ALDH16A1: variants seen among roughly 807,000 people sequenced by gnomAD.
ALDH16A1 encodes the protein aldehyde dehydrogenase family 16 member A1.
A neutral mutation model predicts 96.1 loss-of-function variants in ALDH16A1; 88 were observed. The observed-to-expected ratio is 0.92, with a 90% CI of 0.77 to 1.09. The LOEUF is 1.09. Ranked by LOEUF, ALDH16A1 falls within the 50% of genes least tolerant of loss-of-function variation. ALDH16A1 has a pLI of 0.00. For synonymous variants in ALDH16A1, 522 were observed against 496.4 expected (o/e 1.05, Z -0.69); for missense variants, 1,250 against 1,112.6 (o/e 1.12, Z -1.76).
chr19:49,461,899 C>T lies in ALDH16A1; in HGVS notation c.775C>T (p.Arg259Ter), dbSNP rs758312798. Residue 259 changes from arginine to a stop codon, truncating the protein, a stop_gained, in exon 7 of 17, where the codon CGA (arginine) becomes TGA (stop). Coordinates refer to ENST00000293350, the MANE Select transcript of ALDH16A1 (RefSeq NM_153329.4). LOFTEE classifies it high-confidence loss of function. ...GGGTCCCTAGGAAGGGCGTGCCCTT[C>T]GACGGAGCCTGGCGGGAGAGTGTGC... ...CGAPEEGRAL[R>*]RSLAGECAEL... 2.0e-5 allele frequency: 32 copies of T among 1,584,152 alleles called. No homozygotes were observed. Among genetic ancestry groups the T allele is most frequent in the Non-Finnish European group, 2.5e-5 (29 of 1,165,606 alleles).
In ALDH16A1 at chr19:49,468,624, G is replaced by A. The variant is rs2079219794; in HGVS notation, c.2124+58G>A. The A allele has an allele frequency of 6.4e-7, 1 of 1,572,196 alleles. No homozygotes were observed. ...CGTAGCCTCAGGGCAGCAGAAAAAG[G>A]CGCCCCAAAGTCGGCAGGAGCTTGT... On this transcript the variant is annotated intron_variant, in intron 15 of 16. Coordinates refer to ENST00000293350, the MANE Select transcript of ALDH16A1 (RefSeq NM_153329.4). This position sits in a 1 kb window ranked among gnomAD's most constrained non-coding sequence, Gnocchi z 4.4.
At chr19:49,457,771 G>A (rs1568647969) in intron 1 of ALDH16A1, among the ~76,000 whole-genome samples, 1 of 150,200 alleles carries the variant, frequency 6.7e-6, no homozygotes, top group Non-Finnish European at 1.5e-5. Context: ...CACCACACCC[G>A]GCTAACTTTT....
chr19:49,460,478 G>C (rs1222627340), intron 4 of ALDH16A1, among the ~76,000 whole-genome samples: 4 of 148,066 alleles, frequency 2.7e-5, no homozygotes, highest in Non-Finnish European at 6.0e-5. Context: ...GCAGTGGTGC[G>C]ATCTCGGCTC....
chr19:49,464,471 G>T lies in ALDH16A1; in HGVS notation c.1386G>T (p.Val462=), dbSNP rs1221793817. The T allele has an allele frequency of 5.6e-6, 9 of 1,612,754 alleles. No homozygotes were observed. The highest frequency in any genetic ancestry group is 7.6e-6 in the Non-Finnish European group (9 of 1,179,580). ...INAHGLRDPS[V]PTGGCKESGC... ...CCCACGGCCTCAGAGACCCTTCGGT[G>T]CCCACAGGCGGCTGCAAGGAGAGTG... The change falls in exon 11 of 17, where the codon GTG becomes GTT. Residue 462 remains valine (V), a synonymous_variant. Transcript: ENST00000293350.
At chr19:49,464,556 C>T (rs766049631) in intron 11 of ALDH16A1, 34 bp downstream of exon 11, 14 of 1,613,034 alleles carry the variant, frequency 8.7e-6, no homozygotes, top group African/African-American at 2.7e-5. Flanking sequence ...CCAGCCCCCC[C>T]GCCGCCCCAT....
Position 49,460,722 on chromosome 19 carries a change from T to TG in ALDH16A1, c.500-100_500-99insG. ...AGCCACCACACCCGGCCATTTTTTT[T>TG]TTTTTTTCCTAATGTAGCCATGGGG... On this transcript the variant is annotated intron_variant, in intron 4 of 16. Transcript: ENST00000293350. The TG allele has an allele frequency of 4.1e-6, 4 of 983,854 alleles. No homozygotes were observed. The South Asian group carries it at 5.8e-5, about 14-fold the overall frequency. 60.9% of individuals were successfully genotyped at this position (983,854 alleles called of 1,614,324 possible).
chr19:49,469,135 A>G (rs1353146966), intron 16 of ALDH16A1, 149 bp downstream of exon 16: 3 of 1,171,052 alleles, frequency 2.6e-6, no homozygotes, highest in Non-Finnish European at 3.5e-6. Flanking sequence ...CGCCCTTAGG[A>G]CTCAAGTTAC....
At position 49,468,307 on chromosome 19, in the gene ALDH16A1, G is replaced by A. The variant is rs2079215951; in HGVS notation, c.1939-74G>A. ...GCCAACACCAAGTGTTGGGGAGAAT[G>A]TAGAGGAACTGGATCTCTCATTTAC... On this transcript the variant is annotated intron_variant, in intron 14 of 16. Transcript: ENST00000293350. This position sits in a 1 kb window ranked among gnomAD's most constrained non-coding sequence, Gnocchi z 4.4. 1 of 1,481,110 alleles carries A rather than the reference G, an allele frequency of 6.8e-7. No individual in the cohort carries two copies. Among genetic ancestry groups the A allele is most frequent in the Non-Finnish European group, 9.1e-7 (1 of 1,094,474 alleles). 91.7% of individuals were successfully genotyped at this position (1,481,110 alleles called of 1,614,324 possible). A position where few individuals can be genotyped will look rare whatever the true frequency, so the allele number is the denominator to read the frequency against.
chr19:49,468,720 C>G lies in ALDH16A1; in HGVS notation c.2125-144C>G, dbSNP rs2079220597. The G allele has an allele frequency of 7.4e-7, 1 of 1,345,756 alleles. No individual in the cohort carries two copies. Among genetic ancestry groups the G allele is most frequent in the South Asian group, 1.4e-5 (1 of 73,844 alleles). The allele number at this position is 1,345,756 out of a possible 1,614,324, so 83.4% of individuals were successfully genotyped here. A position where few individuals can be genotyped will look rare whatever the true frequency, so the allele number is the denominator to read the frequency against. ...CACCCAAACCTTCACTCCTTGGGGA[C>G]CCAGTGCCCATTCTTCACCCTAGGC... On this transcript the variant is annotated intron_variant, in intron 15 of 16. Transcript: ENST00000293350. This position sits in a 1 kb window ranked among gnomAD's most constrained non-coding sequence, Gnocchi z 4.4.
chr19:49,460,751 T>A, intron 4 of ALDH16A1, 71 bp from the exon 5 acceptor site: 1 of 1,348,542 alleles, frequency 7.4e-7, no homozygotes, highest in Non-Finnish European at 1.0e-6. Context: ...CATGGGGTCT[T>A]GCCATGTGGC....
rs141066258 is a variant in ALDH16A1, at chr19:49,466,552, G to A, written c.1938+269G>A. ...AAATCAATTTAGTGGGCTGTTAGGC[G>A]GTTCTCACATTGCTGTAAAGAAACA... On this transcript the variant is annotated intron_variant, in intron 14 of 16. Coordinates refer to ENST00000293350, the MANE Select transcript of ALDH16A1 (RefSeq NM_153329.4). 5.5e-3 allele frequency among the ~76,000 whole-genome samples: 843 copies of A among 152,232 alleles called. 4 individuals carry two copies. Among genetic ancestry groups the A allele is most frequent in the African/African-American group, 0.02 (812 of 41,534 alleles).
At position 49,468,174 on chromosome 19, in the gene ALDH16A1, A is replaced by AT; in HGVS notation, c.1939-207_1939-206insT. ...GAGTCCGTCTCAAAAAAAAAAAAAAAGAAAGGCGGTTATGCAGGATGTTTC... is the reference window on the plus strand; with the variant it reads ...GAGTCCGTCTCAAAAAAAAAAAAAAATGAAAGGCGGTTATGCAGGATGTTTC... On this transcript the variant is annotated intron_variant, in intron 14 of 16. Coordinates refer to ENST00000293350, the MANE Select transcript of ALDH16A1 (RefSeq NM_153329.4). The surrounding 1 kb of genome is among the most constrained non-coding windows in gnomAD (Gnocchi z 4.4). 1.9e-6 allele frequency: 1 copy of AT among 536,866 alleles called. No homozygotes were observed. The highest frequency in any genetic ancestry group is 3.3e-6 in the Non-Finnish European group (1 of 305,388). 33.3% of individuals were successfully genotyped at this position (536,866 alleles called of 1,614,324 possible). A position where few individuals can be genotyped will look rare whatever the true frequency, so the allele number is the denominator to read the frequency against.
rs2079135637 is a variant in ALDH16A1, at chr19:49,460,844, A to G, written c.522A>G (p.Pro174=). The change falls in exon 5 of 17, where the codon CCA becomes CCG. Residue 174 remains proline, a synonymous_variant. Transcript: ENST00000293350. ...EPMGVIGLIL[P]PTFSFLEMMW... ...CAGGAGTAATTGGCCTCATCCTGCC[A>G]CCCACATTCTCCTTCCTTGAGATGA... The G allele has an allele frequency of 6.2e-7, 1 of 1,612,448 alleles. No individual in the cohort carries two copies.
Position 49,462,754 on chromosome 19 carries a change from A to T in ALDH16A1, c.1097A>T (p.Gln366Leu). ...CGTGAGGCCCAGAGCCAGGGTGCAC[A>T]GGTGAGGCAGGGGGTAGAGACTTGA... ...FVREAQSQGA[Q>L]VFQAGDVPSE... is the part of the protein sequence containing the mutation. The change falls in exon 8 of 17, where the codon CAG becomes CTG. Residue 366 changes from glutamine (Q) to leucine (L), a missense_variant and splice_region_variant. Physicochemically the swap from Gln to Leu is moderately radical, Grantham distance 113. Transcript: ENST00000293350. 1 of 1,575,708 alleles carries T rather than the reference A, an allele frequency of 6.3e-7. No homozygotes were observed.
At chr19:49,457,260 G>C (rs1371918320) in intron 1 of ALDH16A1, among the ~76,000 whole-genome samples, 1 of 151,446 alleles carries the variant, frequency 6.6e-6, no homozygotes, top group East Asian at 2.0e-4. Context: ...GAAATATGGA[G>C]GAGAAGTCCG....
intron 4 of ALDH16A1, 108 bp from the exon 5 acceptor site, chr19:49,460,714 A>AG: frequency 1.7e-5 from 11 of 652,712 alleles, no homozygotes; most frequent in East Asian, 3.3e-5. Context: ...ACACCCGGCC[A>AG]TTTTTTTTTT....
chr19:49,469,073 G>A, intron 16 of ALDH16A1, 87 bp downstream of exon 16: 1 of 1,511,928 alleles, frequency 6.6e-7, no homozygotes, highest in Non-Finnish European at 8.9e-7. Context: ...CGCCCTCTTA[G>A]AACTCCTGTT....
At chr19:49,458,192 C>G (rs2079116361) in intron 1 of ALDH16A1, among the ~76,000 whole-genome samples, 2 of 150,604 alleles carry the variant, frequency 1.3e-5, no homozygotes, top group South Asian at 4.2e-4. Context: ...GCACTCCAGC[C>G]TGGGTGACAG....
chr19:49,455,416 C>CA lies in ALDH16A1; in HGVS notation c.90+2017dup, dbSNP rs10530269. On this transcript the variant is annotated intron_variant, in intron 1 of 16. Transcript: ENST00000293350. ...GGGCAACAAGAGCAAAACTCCATCT[C>CA]AAAAAAAAAAAAAAAAAAAAAAGGA... 1.0e-3 allele frequency among the ~76,000 whole-genome samples: 141 copies of CA among 136,466 alleles called. 1 individual carries two copies. The highest frequency in any genetic ancestry group is 2.9e-3 in the East Asian group (10 of 3,456). 89.5% of individuals were successfully genotyped at this position (136,466 alleles called of 152,430 possible).
Sources: allele counts gnomAD v4.1 joint callset (sites outside exome capture counted in the v4.1 genomes callset), GRCh38; gene constraint gnomAD v4.1.1; non-coding constraint Gnocchi (gnomAD v3.1); transcripts MANE v1.5; gene names NCBI Gene and HGNC (gene_info 2026-07-23, HGNC 2026-07-21).